Variants in PKHD1L1 observed in about 807,000 individuals in gnomAD.
PKHD1L1 encodes PKHD1 like 1.
A neutral mutation model predicts 462.9 loss-of-function variants in PKHD1L1; 434 were observed. The ratio of observed to expected loss-of-function variants is 0.94; its 90% confidence interval spans 0.87 to 1.02. PKHD1L1 has a LOEUF of 1.02. Among genes scored for constraint, PKHD1L1 ranks in the 50% least tolerant of loss-of-function variants. The probability of loss-of-function intolerance (pLI) is 0.00; values close to 1 mark genes in which losing one functional copy is unlikely to be tolerated. For synonymous variants in PKHD1L1, 1,781 were observed against 1,750.0 expected, an observed-to-expected ratio of 1.02 and a Z score of -0.44; for missense variants, 5,202 against 5,096.1, an observed-to-expected ratio of 1.02 and a Z score of -0.63.
intron 44 of PKHD1L1, 150 bp from the exon 45 acceptor site, chr8:109,454,573 A>T (rs1406536088): frequency 5.1e-6 from 6 of 1,170,514 alleles, no homozygotes; most frequent in Non-Finnish European, 7.1e-6. Context: ...CTAGAAAATT[A>T]AAGGTTTATC....
At chr8:109,395,874 CAG>C (rs923742668) in intron 10 of PKHD1L1, among the ~76,000 whole-genome samples, 151 bp from the exon 11 acceptor site, 8 of 152,290 alleles carry the variant, frequency 5.3e-5, no homozygotes, top group Admixed American at 2.0e-4. Context: ...AGGATTGCAT[CAG>C]AGAAAGTAAT....
At chr8:109,379,014 C>T (rs1055245786) in intron 2 of PKHD1L1, among the ~76,000 whole-genome samples, 68 of 152,252 alleles carry the variant, frequency 4.5e-4, no homozygotes, top group Middle Eastern at 6.8e-3. Context: ...GCAGTGCTAG[C>T]GCATTGGGCC....
At position 109,470,251 on chromosome 8, in the gene PKHD1L1, G is replaced by C. The variant is rs970387028; in HGVS notation, c.8605+3482G>C. On this transcript the variant is annotated intron_variant, in intron 50 of 77. Coordinates refer to ENST00000378402, the MANE Select transcript of PKHD1L1 (RefSeq NM_177531.6). ...TTGTTGGAAATACTCAGATCATCAT[G>C]AAAACAAATACTGTGATCTGGAGTG... is the stretch of plus-strand genomic sequence containing the variant. The C allele has an allele frequency of 1.1e-5, 15 of 1,387,066 alleles. No individual in the cohort carries two copies. In the African/African-American group the frequency reaches 2.1e-4, roughly 20 times the overall value. 85.9% of individuals were successfully genotyped at this position (1,387,066 alleles called of 1,614,324 possible). A position where few individuals can be genotyped will look rare whatever the true frequency, so the allele number is the denominator to read the frequency against.
chr8:109,442,261 T>A (rs1417275981), intron 35 of PKHD1L1, 66 bp downstream of exon 35: 10 of 1,403,908 alleles, frequency 7.1e-6, no homozygotes, highest in South Asian at 1.4e-5. Flanking sequence ...AATGACATTT[T>A]GTGTAGATTT....
intron 50 of PKHD1L1, chr8:109,470,914 A>C (rs1817681740): frequency 1.3e-6 from 2 of 1,588,292 alleles, no homozygotes; most frequent in Non-Finnish European, 1.7e-6. Flanking sequence ...AAGCCTGGGG[A>C]GAGAGAAATG....
chr8:109,442,162 G>A lies in PKHD1L1; in HGVS notation c.4360G>A (p.Gly1454Arg). Residue 1454 changes from glycine to arginine, a missense_variant, in exon 35 of 78, where the codon GGA becomes AGA. Around this residue, in one of 3 missense-constraint regions of PKHD1L1, gnomAD observed 4,497 missense variants for 4,336.8 expected, o/e 1.04. Transcript: ENST00000378402. ...TGGAAGTGTAATTTATGATGGCAAA[G>A]GATTCACAAGTGGAAGACAAAAATC... ...SPGSVIYDGK[G>R]FTSGRQKSTS... 6.2e-7 allele frequency: 1 copy of A among 1,612,584 alleles called. No individual in the cohort carries two copies. The highest frequency in any genetic ancestry group is 8.5e-7 in the Non-Finnish European group (1 of 1,179,324).
intron 46 of PKHD1L1, 123 bp from the exon 47 acceptor site, chr8:109,459,472 A>G (rs1323797264): frequency 3.1e-6 from 2 of 655,626 alleles, no homozygotes; most frequent in Non-Finnish European, 4.7e-6. Flanking sequence ...TCAGAATATT[A>G]TATGACATAA....
chr8:109,464,626 C>T lies in PKHD1L1; in HGVS notation c.7794C>T (p.Asp2598=), dbSNP rs372974491. ...MNNHPDGPSY[D]RNICQKRVPL... is the part of the protein sequence containing the mutation. ...ACCACCCTGATGGGCCATCCTATGA[C>T]AGAAACATTTGTCAAAAAAGAGTTC... is the stretch of plus-strand genomic sequence containing the variant. The change falls in exon 49 of 78, where the codon GAC becomes GAT. Residue 2598 remains aspartate (D), a synonymous_variant. Coordinates refer to ENST00000378402, the MANE Select transcript of PKHD1L1 (RefSeq NM_177531.6). The T allele has an allele frequency of 9.3e-6, 15 of 1,612,436 alleles. No homozygotes were observed. Among genetic ancestry groups the T allele is most frequent in the South Asian group, 5.5e-5 (5 of 91,074 alleles).
At chr8:109,490,103 A>AT (rs1818756614) in intron 60 of PKHD1L1, 48 bp downstream of exon 60, 1 of 1,173,724 alleles carries the variant, frequency 8.5e-7, no homozygotes, top group Non-Finnish European at 1.2e-6. Context: ...TATGCAAAAT[A>AT]TTTTTATTTT....
intron 70 of PKHD1L1, among the ~76,000 whole-genome samples, chr8:109,508,878 A>G (rs759135432): frequency 6.6e-6 from 1 of 152,128 alleles, no homozygotes; most frequent in Non-Finnish European, 1.5e-5. Flanking sequence ...GATGCAGATC[A>G]GCTTAGGAGA....
intron 63 of PKHD1L1, among the ~76,000 whole-genome samples, chr8:109,495,493 C>T (rs188563911): frequency 3.3e-5 from 5 of 152,032 alleles, no homozygotes; most frequent in South Asian, 2.1e-4. Context: ...GAAGAGTTTA[C>T]GTTCCTGTAA....
intron 23 of PKHD1L1, among the ~76,000 whole-genome samples, 176 bp downstream of exon 23, chr8:109,420,866 A>G (rs1249646815): frequency 6.6e-6 from 1 of 152,206 alleles, no homozygotes; most frequent in Admixed American, 6.5e-5. Flanking sequence ...TCTTACAGAA[A>G]TATGTCTATG....
rs1374240424 is a variant in PKHD1L1, at chr8:109,420,390, A to G, written c.2525-128A>G. On this transcript the variant is annotated intron_variant, in intron 22 of 77. Coordinates refer to ENST00000378402, the MANE Select transcript of PKHD1L1 (RefSeq NM_177531.6). ...TTAAATACTTCATGACAATGTTGAT[A>G]TTATTTGATGATTTTATTTTTAGCA... 7.4e-6 allele frequency: 4 copies of G among 539,892 alleles called. 1 individual carries two copies. In the Admixed American group the frequency reaches 1.6e-4, roughly 21 times the overall value. The allele number at this position is 539,892 out of a possible 1,614,324, so 33.4% of individuals were successfully genotyped here. A position where few individuals can be genotyped will look rare whatever the true frequency, so the allele number is the denominator to read the frequency against.
chr8:109,490,040 T>G lies in PKHD1L1; in HGVS notation c.9969T>G (p.Phe3323Leu), dbSNP rs1403194931. Residue 3323 changes from phenylalanine (F) to leucine (L), a missense_variant, in exon 60 of 78, where the codon TTT becomes TTG. Transcript: ENST00000378402. ...DSTDPRYAVT[F>L]LNLGQIQEHG... ...CAGATCCAAGATATGCTGTAACGTTTCTTAACCTAGGACAGGTTTGTGCTT... is the reference window on the plus strand; with the variant it reads ...CAGATCCAAGATATGCTGTAACGTTGCTTAACCTAGGACAGGTTTGTGCTT... 1.2e-6 allele frequency: 2 copies of G among 1,602,204 alleles called. No homozygotes were observed. Among genetic ancestry groups the G allele is most frequent in the Non-Finnish European group, 1.7e-6 (2 of 1,171,126 alleles).
intron 30 of PKHD1L1, 66 bp downstream of exon 30, chr8:109,436,525 T>C: frequency 6.3e-7 from 1 of 1,585,454 alleles, no homozygotes; most frequent in Non-Finnish European, 8.5e-7. Context: ...AGGAAACATC[T>C]CAGTGGGGCG....
At chr8:109,511,766 C>T (rs1467052868) in intron 71 of PKHD1L1, among the ~76,000 whole-genome samples, 1 of 152,186 alleles carries the variant, frequency 6.6e-6, no homozygotes, top group Non-Finnish European at 1.5e-5. Flanking sequence ...TGAGGAATCA[C>T]CACACTGACT....
chr8:109,451,186 TC>T, intron 41 of PKHD1L1, 37 bp downstream of exon 41: 2 of 1,550,264 alleles, frequency 1.3e-6, no homozygotes, highest in South Asian at 2.4e-5. Context: ...ATTGTGCATT[TC>T]CAGACTTGAG....
intron 73 of PKHD1L1, 131 bp from the exon 74 acceptor site, chr8:109,522,055 G>T (rs1464363083): frequency 3.5e-6 from 3 of 851,592 alleles, no homozygotes; most frequent in Admixed American, 7.5e-5. Context: ...TTTTGCTCAG[G>T]TAAGACTAGA....
chr8:109,490,848 G>A, intron 60 of PKHD1L1, 124 bp from the exon 61 acceptor site: 1 of 812,906 alleles, frequency 1.2e-6, no homozygotes, highest in Middle Eastern at 3.9e-4. Flanking sequence ...TCATCTTTAA[G>A]AGAAAGTGAA....
Sources: gnomAD v4.1 joint callset for allele counts (sites outside exome capture counted in the v4.1 genomes callset) on GRCh38, gnomAD v4.1.1 for gene constraint, gnomAD v4.1.1 regional missense constraint, MANE v1.5 for transcripts, NCBI Gene and HGNC (gene_info 2026-07-23, HGNC 2026-07-21) for gene names.